GALNT17: variants seen among roughly 807,000 people sequenced by gnomAD.
GALNT17 encodes the protein UDP-GalNAc:polypeptide N-acetylgalactosaminyltransferase-like 3.
Under a neutral mutation model 63.7 loss-of-function variants are expected in GALNT17, and 29 were observed. The observed-to-expected ratio is 0.46, with a 90% CI of 0.34 to 0.62. GALNT17 has a LOEUF of 0.62. GALNT17 is among the 20% of genes least tolerant of loss of function. The probability of loss-of-function intolerance (pLI) is 0.01; values close to 1 mark genes in which losing one functional copy is unlikely to be tolerated. For missense variants in GALNT17, 603 were observed against 799.6 expected (o/e 0.75, Z 2.97); for synonymous variants, 305 against 318.3 (o/e 0.96, Z 0.45).
chr7:71,146,839 G>A (rs563608057), intron 1 of GALNT17, among the ~76,000 whole-genome samples: 40 of 152,278 alleles, frequency 2.6e-4, no homozygotes, highest in African/African-American at 9.1e-4. Flanking sequence ...AACTGCTGCC[G>A]TAATCACAGG....
At chr7:71,404,614 G>A (rs1793295861) in intron 3 of GALNT17, among the ~76,000 whole-genome samples, 1 of 152,210 alleles carries the variant, frequency 6.6e-6, no homozygotes, top group Non-Finnish European at 1.5e-5. Context: ...CCTCACCATG[G>A]CTATTCTTCA....
At chr7:71,614,906 AGGAAGGG>A (rs1161922641) in intron 6 of GALNT17, among the ~76,000 whole-genome samples, 174 of 140,290 alleles carry the variant, frequency 1.2e-3, no homozygotes, top group African/African-American at 4.5e-3. Context: ...GGAGGGAGGG[AGGAAGGG>A]AGGGAAATAA....
intron 2 of GALNT17, among the ~76,000 whole-genome samples, chr7:71,384,132 GT>G (rs1217343548): frequency 6.6e-6 from 1 of 151,806 alleles, no homozygotes; most frequent in East Asian, 2.0e-4. Flanking sequence ...GTTTTGTTTT[GT>G]TTTTTTGTTT....
chr7:71,635,965 C>G (rs1288703698), intron 6 of GALNT17, among the ~76,000 whole-genome samples: 1 of 152,116 alleles, frequency 6.6e-6, no homozygotes, highest in Non-Finnish European at 1.5e-5. Flanking sequence ...TCTTCATGAC[C>G]TGTATCTTGT....
intron 1 of GALNT17, among the ~76,000 whole-genome samples, chr7:71,239,574 T>G (rs1424205917): frequency 6.6e-6 from 1 of 152,232 alleles, no homozygotes; most frequent in Non-Finnish European, 1.5e-5. Context: ...GCCCTTTCTC[T>G]TTTCTTCTGA....
intron 1 of GALNT17, among the ~76,000 whole-genome samples, chr7:71,266,439 C>G (rs1222303181): frequency 6.6e-6 from 1 of 152,144 alleles, no homozygotes; most frequent in Non-Finnish European, 1.5e-5. Flanking sequence ...TATCTCTCTC[C>G]TGCTCTGCCA....
intron 6 of GALNT17, among the ~76,000 whole-genome samples, chr7:71,648,861 A>G (rs1322739749): frequency 1.3e-5 from 2 of 152,350 alleles, no homozygotes; most frequent in South Asian, 2.1e-4. Flanking sequence ...TTTCAACTCA[A>G]CCAAGAGCCA....
intron 5 of GALNT17, among the ~76,000 whole-genome samples, chr7:71,480,419 G>A (rs1285820200): frequency 6.6e-6 from 1 of 152,016 alleles, no homozygotes; most frequent in Non-Finnish European, 1.5e-5. Flanking sequence ...CCAGCTTCAT[G>A]CTTTCCATTT....
intron 5 of GALNT17, among the ~76,000 whole-genome samples, chr7:71,457,510 A>G (rs1190658281): frequency 6.6e-6 from 1 of 152,250 alleles, no homozygotes; most frequent in Non-Finnish European, 1.5e-5. Context: ...TGGCTACTCC[A>G]TAGCCAGAGC....
chr7:71,198,029 C>T (rs1459053314), intron 1 of GALNT17, among the ~76,000 whole-genome samples: 1 of 151,776 alleles, frequency 6.6e-6, no homozygotes, highest in Non-Finnish European at 1.5e-5. Flanking sequence ...GAAACTGTCT[C>T]TACTCAAATT....
At chr7:71,140,738 A>G (rs1458063006) in intron 1 of GALNT17, among the ~76,000 whole-genome samples, 1 of 152,184 alleles carries the variant, frequency 6.6e-6, no homozygotes, top group African/African-American at 2.4e-5. Context: ...ATATATAAGA[A>G]GAACCAGGCA....
chr7:71,372,408 A>T (rs1326926955), intron 2 of GALNT17, among the ~76,000 whole-genome samples: 1 of 151,532 alleles, frequency 6.6e-6, no homozygotes, highest in East Asian at 2.0e-4. Flanking sequence ...CAAGTGATCC[A>T]CCTGCCTCAG....
intron 5 of GALNT17, among the ~76,000 whole-genome samples, chr7:71,462,907 G>A (rs1787475084): frequency 6.6e-6 from 1 of 152,166 alleles, no homozygotes. Flanking sequence ...CCTTTCACAT[G>A]GCTGTAATAT....
intron 6 of GALNT17, among the ~76,000 whole-genome samples, chr7:71,610,298 C>T (rs751437090): frequency 6.6e-6 from 1 of 151,802 alleles, no homozygotes; most frequent in Non-Finnish European, 1.5e-5. Context: ...TGAGACCAAC[C>T]TGGGCAACGT....
chr7:71,345,131 TTTG>T (rs1460013800), intron 2 of GALNT17, among the ~76,000 whole-genome samples: 4 of 150,630 alleles, frequency 2.7e-5, no homozygotes, highest in African/African-American at 7.3e-5. Flanking sequence ...CTGTTTTTTT[TTTG>T]TTGTTGTTTT....
intron 5 of GALNT17, among the ~76,000 whole-genome samples, chr7:71,435,816 A>C (rs1467052926): frequency 6.6e-6 from 1 of 152,076 alleles, no homozygotes; most frequent in Non-Finnish European, 1.5e-5. Flanking sequence ...TCAGGAGATC[A>C]AGATCATCCT....
In GALNT17 at chr7:71,711,910, T is replaced by C. The variant is rs1229114432; in HGVS notation, c.1669-108T>C. On this transcript the variant is annotated intron_variant, in intron 10 of 10. Transcript: ENST00000333538. The stretch of plus-strand genomic sequence containing the variant: ...TCTTTCTCTTCTCTTTTTCTTTTTC[T>C]CTTTGTCATTTTCTCTCTCCTGTCT... The C allele has an allele frequency of 2.4e-6, 3 of 1,269,442 alleles. No individual in the cohort carries two copies. In the East Asian group the frequency reaches 7.2e-5, roughly 30 times the overall value. The allele number at this position is 1,269,442 out of a possible 1,614,324, so 78.6% of individuals were successfully genotyped here.
At chr7:71,628,565 C>T (rs1039889119) in intron 6 of GALNT17, among the ~76,000 whole-genome samples, 5 of 152,086 alleles carry the variant, frequency 3.3e-5, no homozygotes, top group South Asian at 2.1e-4. Flanking sequence ...TCAGGTGATC[C>T]GCCCACCTTG....
chr7:71,261,299 T>G (rs1790381517), intron 1 of GALNT17, among the ~76,000 whole-genome samples: 1 of 152,060 alleles, frequency 6.6e-6, no homozygotes, highest in Non-Finnish European at 1.5e-5. Flanking sequence ...CCACTTTCAG[T>G]TTTTCCACTT....
Sources: allele counts gnomAD v4.1 joint callset (sites outside exome capture counted in the v4.1 genomes callset), GRCh38; gene constraint gnomAD v4.1.1; transcripts MANE v1.5; gene names NCBI Gene and HGNC (gene_info 2026-07-23, HGNC 2026-07-21).